The following NRG1 variants were observed in gnomAD, a reference collection of about 807,000 sequenced individuals.
NRG1 encodes the protein neuregulin 1.
A neutral mutation model predicts 63.8 loss-of-function variants in NRG1; 18 were observed. The ratio of observed to expected loss-of-function variants is 0.28; its 90% CI spans 0.19 to 0.42. The LOEUF (loss-of-function observed/expected upper bound fraction) is 0.42, where lower values mean the gene tolerates loss of function less well. NRG1 is among the 10% of genes least tolerant of loss of function. The pLI is 1.00. For synonymous variants in NRG1, 302 were observed against 301.3 expected, an observed-to-expected ratio of 1.00 and a Z score of -0.02; for missense variants, 762 against 814.7, an observed-to-expected ratio of 0.94 and a Z score of 0.79.
At chr8:31,769,203 T>C (rs1818376389) in intron 1 of NRG1, among the ~76,000 whole-genome samples, 1 of 152,190 alleles carries the variant, frequency 6.6e-6, no homozygotes, top group African/African-American at 2.4e-5. Flanking sequence ...CTTCAATAAT[T>C]TACATGGGTT....
At chr8:32,296,186 A>G (rs1463287287) in intron 1 of NRG1, among the ~76,000 whole-genome samples, 1 of 152,138 alleles carries the variant, frequency 6.6e-6, no homozygotes, top group Non-Finnish European at 1.5e-5. Context: ...ACCAGAACAT[A>G]ACATATTGAA....
intron 1 of NRG1, among the ~76,000 whole-genome samples, chr8:31,705,290 C>T (rs1490549436): frequency 6.6e-6 from 1 of 152,136 alleles, no homozygotes; most frequent in Non-Finnish European, 1.5e-5. Context: ...TTGTGATCCA[C>T]CTGCTTTGGC....
intron 1 of NRG1, among the ~76,000 whole-genome samples, chr8:32,328,717 T>G (rs1405433870): frequency 6.6e-6 from 1 of 152,146 alleles, no homozygotes; most frequent in Non-Finnish European, 1.5e-5. Flanking sequence ...GTGGGTTCCA[T>G]ATTGGTTTCT....
intron 1 of NRG1, among the ~76,000 whole-genome samples, chr8:32,178,722 A>G (rs1047024598): frequency 6.6e-6 from 1 of 152,128 alleles, no homozygotes; most frequent in African/African-American, 2.4e-5. Context: ...GGCAAATTCT[A>G]TGTGGTGGTG....
rs1264111970 is a variant in NRG1 at position 32,747,732 on chromosome 8, G to GTGTATATATATA, written c.691+5000_691+5001insGTATATATATAT. On this transcript the variant is annotated intron_variant, in intron 7 of 11. Coordinates refer to ENST00000356819, the Ensembl canonical transcript of NRG1. The stretch of plus-strand genomic sequence containing the variant: ...TGTTTGTGTGCATATATGTGTGTGT[G>GTGTATATATATA]TATATATATATATATATATATATAT... Among the ~76,000 whole-genome samples, 25 of 132,108 alleles carry GTGTATATATATA rather than the reference G, an allele frequency of 1.9e-4. No individual in the cohort carries two copies. In the East Asian group the frequency reaches 3.9e-3, roughly 21 times the overall value. 86.7% of individuals were successfully genotyped at this position (132,108 alleles called of 152,430 possible). A position where few individuals can be genotyped will look rare whatever the true frequency, so the allele number is the denominator to read the frequency against.
intron 1 of NRG1, among the ~76,000 whole-genome samples, chr8:31,839,996 T>A (rs1355295850): frequency 6.6e-6 from 1 of 152,158 alleles, no homozygotes. Flanking sequence ...TGGTCTAGAA[T>A]AACAGAATTG....
intron 1 of NRG1, among the ~76,000 whole-genome samples, chr8:32,249,882 A>C (rs959070927): frequency 6.6e-6 from 1 of 152,128 alleles, no homozygotes; most frequent in Non-Finnish European, 1.5e-5. Context: ...ATTTATGGTG[A>C]ATATCTTGAA....
intron 1 of NRG1, among the ~76,000 whole-genome samples, chr8:31,787,324 C>G (rs775851867): frequency 3.8e-4 from 58 of 152,158 alleles, no homozygotes; most frequent in Non-Finnish European, 6.2e-4. Flanking sequence ...AATGACTTGC[C>G]CAGGCATTAG....
At chr8:32,034,799 T>A (rs1239057727) in intron 1 of NRG1, among the ~76,000 whole-genome samples, 2 of 152,190 alleles carry the variant, frequency 1.3e-5, no homozygotes, top group African/African-American at 4.8e-5. Flanking sequence ...GTGATATCCC[T>A]TTATCATTTT....
chr8:32,415,970 A>G (rs770612066), intron 1 of NRG1, among the ~76,000 whole-genome samples: 13 of 152,210 alleles, frequency 8.5e-5, no homozygotes, highest in Non-Finnish European at 1.8e-4. Context: ...TGCAGCCTTT[A>G]GTAGGAAAAG....
At chr8:32,251,866 G>T (rs114587241) in intron 1 of NRG1, among the ~76,000 whole-genome samples, 1 of 148,430 alleles carries the variant, frequency 6.7e-6, no homozygotes, top group East Asian at 2.0e-4. Flanking sequence ...TTTGTTAGCC[G>T]CATAATGGTC....
intron 1 of NRG1, among the ~76,000 whole-genome samples, chr8:31,743,265 G>A (rs1815485267): frequency 6.6e-6 from 1 of 151,954 alleles, no homozygotes; most frequent in Non-Finnish European, 1.5e-5. Context: ...TCTGCAGGAG[G>A]GTGGAAGGGG....
At chr8:32,610,865 G>A (rs1846258026) in intron 3 of NRG1, among the ~76,000 whole-genome samples, 1 of 152,094 alleles carries the variant, frequency 6.6e-6, no homozygotes, top group Non-Finnish European at 1.5e-5. Flanking sequence ...ACTTATGAGT[G>A]AATTCCTTTC....
intron 1 of NRG1, among the ~76,000 whole-genome samples, chr8:31,676,282 A>G (rs1033453928): frequency 6.6e-6 from 1 of 152,104 alleles, no homozygotes; most frequent in Non-Finnish European, 1.5e-5. Flanking sequence ...AGGAGACTTT[A>G]TGCCTCCCGA....
At chr8:32,505,107 G>A (rs887033855) in intron 1 of NRG1, among the ~76,000 whole-genome samples, 6 of 152,098 alleles carry the variant, frequency 3.9e-5, no homozygotes, top group African/African-American at 9.7e-5. Context: ...GGGTTGCTGC[G>A]TATCATTGTT....
chr8:31,642,968 T>C (rs1032885729), intron 1 of NRG1, among the ~76,000 whole-genome samples: 2 of 141,390 alleles, frequency 1.4e-5, no homozygotes, highest in African/African-American at 5.7e-5. Flanking sequence ...ACTTGGAATA[T>C]TGAGTGTAAA....
intron 1 of NRG1, among the ~76,000 whole-genome samples, chr8:31,874,166 C>T (rs2129611921): frequency 6.6e-6 from 1 of 152,258 alleles, no homozygotes; most frequent in Non-Finnish European, 1.5e-5. Flanking sequence ...TCTACAAATT[C>T]AGGCGAATGA....
At chr8:32,685,071 T>C (rs1235334931) in intron 5 of NRG1, among the ~76,000 whole-genome samples, 1 of 152,156 alleles carries the variant, frequency 6.6e-6, no homozygotes, top group Non-Finnish European at 1.5e-5. Context: ...GATATTGACC[T>C]TGATTCAGTC....
chr8:32,589,139 C>T (rs1298058128), intron 1 of NRG1, among the ~76,000 whole-genome samples: 1 of 152,218 alleles, frequency 6.6e-6, no homozygotes, highest in Non-Finnish European at 1.5e-5. Flanking sequence ...TATATTTACA[C>T]ATTTGATAAG....
Sources: allele counts gnomAD v4.1 joint callset (sites outside exome capture counted in the v4.1 genomes callset), GRCh38; gene constraint gnomAD v4.1.1; transcripts MANE v1.5; gene names NCBI Gene and HGNC (gene_info 2026-07-23, HGNC 2026-07-21).